RIOX2: variants seen among roughly 807,000 people sequenced by gnomAD.
RIOX2 encodes ribosomal oxygenase 2, also known as 60S ribosomal protein L27a histidine hydroxylase.
In RIOX2, 43 loss-of-function variants were observed where a neutral mutation model predicts 51.2. That is an observed-to-expected ratio of 0.84 (90% CI 0.66 to 1.08). The LOEUF is 1.08. Among genes scored for constraint, RIOX2 ranks in the 50% least tolerant of loss-of-function variants. The pLI is 0.00. For missense variants in RIOX2, 566 were observed against 561.7 expected, an observed-to-expected ratio of 1.01 and a Z score of -0.08; for synonymous variants, 226 against 218.5, an observed-to-expected ratio of 1.03 and a Z score of -0.30.
intron 2 of RIOX2, 29 bp downstream of exon 2, chr3:97,967,133 G>T: frequency 6.3e-7 from 1 of 1,595,162 alleles, no homozygotes; most frequent in African/African-American, 1.3e-5. Context: ...TAAAATGTAT[G>T]AGGATTCTGC....
chr3:97,955,957 AC>A (rs1370919216), intron 4 of RIOX2, among the ~76,000 whole-genome samples: 1 of 152,190 alleles, frequency 6.6e-6, no homozygotes, highest in East Asian at 1.9e-4. Flanking sequence ...CACAGTATAA[AC>A]AATAATAAAT....
chr3:97,945,555 T>C (rs2040334929), intron 9 of RIOX2: 3 of 608,000 alleles, frequency 4.9e-6, no homozygotes, highest in Non-Finnish European at 8.6e-6. Context: ...ATTTGAAATG[T>C]TTTACATTAT....
chr3:97,953,350 A>G (rs1055879787), intron 5 of RIOX2, among the ~76,000 whole-genome samples: 11 of 152,170 alleles, frequency 7.2e-5, no homozygotes, highest in Admixed American at 5.2e-4. Context: ...TGTCTAGTAC[A>G]TATTTGTTTA....
At chr3:97,959,252 T>C in intron 3 of RIOX2, 73 bp from the exon 4 acceptor site, 1 of 1,502,186 alleles carries the variant, frequency 6.7e-7, no homozygotes, top group East Asian at 2.4e-5. Flanking sequence ...TCCGGACTAT[T>C]AGCCCTCTAA....
At chr3:97,948,485 A>G (rs2040411471) in intron 7 of RIOX2, among the ~76,000 whole-genome samples, 1 of 152,148 alleles carries the variant, frequency 6.6e-6, no homozygotes, top group Non-Finnish European at 1.5e-5. Flanking sequence ...AGGTCAAAAC[A>G]AAACACCACC....
intron 4 of RIOX2, among the ~76,000 whole-genome samples, chr3:97,958,406 T>C (rs1463488497): frequency 6.6e-6 from 1 of 152,214 alleles, no homozygotes; most frequent in East Asian, 1.9e-4. Context: ...CTGCTGGGGA[T>C]TGGCTATGTT....
At chr3:97,967,716 A>T in intron 1 of RIOX2, 84 bp from the exon 2 acceptor site, 1 of 942,112 alleles carries the variant, frequency 1.1e-6, no homozygotes, top group South Asian at 1.8e-5. Context: ...CACACAACTG[A>T]ATGACCATTA....
Position 97,945,150 on chromosome 3 carries a change from T to C in RIOX2, c.*34A>G, listed in dbSNP as rs745767176. ...CTTTGCTTTTCTTTTAATATATGCA[T>C]ATAAAATAGTAGGCATTTGATTCTG... On this transcript the variant is annotated 3_prime_UTR_variant, in exon 10 of 10. Transcript: ENST00000394198. 55 of 1,570,914 alleles carry C rather than the reference T, an allele frequency of 3.5e-5. No individual in the cohort carries two copies. The East Asian group carries it at 6.3e-4, about 18-fold the overall frequency.
chr3:97,963,747 T>C (rs1705771322), intron 2 of RIOX2, among the ~76,000 whole-genome samples: 1 of 152,200 alleles, frequency 6.6e-6, no homozygotes, highest in African/African-American at 2.4e-5. Context: ...TCTCTTTTCT[T>C]CTTAAAGGTT....
intron 1 of RIOX2, among the ~76,000 whole-genome samples, chr3:97,969,434 G>A (rs1294325998): frequency 6.6e-6 from 1 of 152,214 alleles, no homozygotes; most frequent in African/African-American, 2.4e-5. Context: ...TACTGCTTAT[G>A]CAGAAGACGT....
chr3:97,957,916 T>G (rs75137615), intron 4 of RIOX2, among the ~76,000 whole-genome samples: 1 of 152,308 alleles, frequency 6.6e-6, no homozygotes, highest in East Asian at 1.9e-4. Flanking sequence ...GCTGGTGTAG[T>G]ATGAACACAG....
chr3:97,959,311 T>TG (rs1407703493), intron 3 of RIOX2, 132 bp from the exon 4 acceptor site: 1 of 776,632 alleles, frequency 1.3e-6, no homozygotes, highest in African/African-American at 1.8e-5. Flanking sequence ...CACAGGTTTT[T>TG]TTTTTTTTTT....
At position 97,959,092 on chromosome 3, in the gene RIOX2, C is replaced by T. The variant is rs759544959; in HGVS notation, c.640G>A (p.Glu214Lys). 31 of 1,613,518 alleles carry T rather than the reference C, an allele frequency of 1.9e-5. No homozygotes were observed. In the Middle Eastern group the frequency reaches 8.2e-4, roughly 43 times the overall value. Reference protein sequence around the residue: ...PLAREYSVEAEERIGRPVHEF... With the variant: ...PLAREYSVEAKERIGRPVHEF... ...TGCACCGGCCTGCCGATCCTTTCCT[C>T]GGCCTCCACGCTGTACTCTCGTGCC... The change falls in exon 4 of 10, where the codon GAG becomes AAG. Residue 214 changes from glutamate to lysine, a missense_variant. Glu to Lys is a moderately conservative substitution (Grantham distance 56). Coordinates refer to ENST00000394198, the MANE Select transcript of RIOX2 (RefSeq NM_153182.4).
In RIOX2 at chr3:97,959,030, C is replaced by T. The variant is rs890453405; in HGVS notation, c.681+21G>A. 6 of 1,590,730 alleles carry T rather than the reference C, an allele frequency of 3.8e-6. No homozygotes were observed. The South Asian group carries it at 4.6e-5, about 12-fold the overall frequency. ...CCACAATGGCTCTAACAATGAGGTG[C>T]CCACAACGGTTATCACATACCTTCA... On this transcript the variant is annotated intron_variant, in intron 4 of 9. Transcript: ENST00000394198.
At position 97,950,910 on chromosome 3, in the gene RIOX2, A is replaced by G. The variant is rs201074911; in HGVS notation, c.786-22T>C. On this transcript the variant is annotated intron_variant, in intron 5 of 9. Coordinates refer to ENST00000394198, the MANE Select transcript of RIOX2 (RefSeq NM_153182.4). ...TGAACTAGGATATGCACCAAGGGGG[A>G]AAAAAAAACCAAAACAGTGAGTGCA... 969 of 1,533,234 alleles carry G rather than the reference A, an allele frequency of 6.3e-4. 2 individuals are homozygous for G. The highest frequency in any genetic ancestry group is 1.1e-3 in the South Asian group (101 of 88,482). 95.0% of individuals were successfully genotyped at this position (1,533,234 alleles called of 1,614,324 possible).
chr3:97,943,272 G>T lies in RIOX2; in HGVS notation c.*1912C>A. ...CTCATGTAATTGTAAATCAGCCCCT[G>T]GAGGGAGAAGAAACACAGAAATGGG... is the stretch of plus-strand genomic sequence containing the variant. On this transcript the variant is annotated 3_prime_UTR_variant, in exon 10 of 10. Transcript: ENST00000394198. 6.3e-7 allele frequency: 1 copy of T among 1,593,764 alleles called. No homozygotes were observed. Among genetic ancestry groups the T allele is most frequent in the Non-Finnish European group, 8.6e-7 (1 of 1,163,340 alleles).
rs1297423839 is a variant in RIOX2 at position 97,944,204 on chromosome 3, G to A, written c.*980C>T. On this transcript the variant is annotated 3_prime_UTR_variant, in exon 10 of 10. Transcript: ENST00000394198. ...GACCTTACCATCTCTTTAAGTAAAC[G>A]TGGAGTTGATTTCTCTACTAAATAA... The A allele has an allele frequency of 1.3e-5, 2 of 151,150 alleles. No individual in the cohort carries two copies. The highest frequency in any genetic ancestry group is 6.6e-5 in the Admixed American group (1 of 15,104). The allele number at this position is 151,150 out of a possible 1,614,324, so 9.4% of individuals were successfully genotyped here.
intron 2 of RIOX2, among the ~76,000 whole-genome samples, chr3:97,965,104 A>G (rs1705831757): frequency 6.6e-6 from 1 of 151,818 alleles, no homozygotes; most frequent in Non-Finnish European, 1.5e-5. Context: ...AAACACACAC[A>G]ATGCCAAACC....
chr3:97,947,594 GCTTACCCCAACATTGTA>G, intron 7 of RIOX2, 145 bp from the exon 8 acceptor site: 1 of 643,228 alleles, frequency 1.6e-6, no homozygotes, highest in Non-Finnish European at 2.8e-6. Context: ...TGAAGAATTT[GCTTACCCCAACATTGTA>G]CTGATATTAT....
Sources: allele counts gnomAD v4.1 joint callset (sites outside exome capture counted in the v4.1 genomes callset), GRCh38; gene constraint gnomAD v4.1.1; transcripts MANE v1.5; gene names NCBI Gene and HGNC (gene_info 2026-07-23, HGNC 2026-07-21).